COG5: variants seen among roughly 807,000 people sequenced by gnomAD.
COG5 encodes the protein component of oligomeric golgi complex 5.
Under a neutral mutation model 110.4 loss-of-function variants are expected in COG5, and 86 were observed. The observed-to-expected ratio is 0.78, with a 90% CI of 0.65 to 0.93. The LOEUF is 0.93. Among genes scored for constraint, COG5 ranks in the 40% least tolerant of loss-of-function variants. The pLI, the probability that COG5 is intolerant of heterozygous loss-of-function variation, is 0.00. For missense variants in COG5, 1,077 were observed against 987.0 expected (o/e 1.09, Z -1.22); for synonymous variants, 360 against 334.6 (o/e 1.08, Z -0.83).
In COG5 at chr7:107,350,672, T is replaced by C. The variant is rs1384478053; in HGVS notation, c.1026+11361A>G. Among the ~76,000 whole-genome samples the C allele has an allele frequency of 3.9e-5, 6 of 152,332 alleles. No individual in the cohort carries two copies. The East Asian group carries it at 1.2e-3, about 29-fold the overall frequency. ...GAATTCTGGTGGCTAAAACTAAAAA[T>C]GTGTTCCTCTACAGAGGAACTGCAT... On this transcript the variant is annotated intron_variant, in intron 10 of 21. Transcript: ENST00000297135.
chr7:107,490,144 G>A (rs984531227), intron 6 of COG5, among the ~76,000 whole-genome samples: 4 of 152,120 alleles, frequency 2.6e-5, no homozygotes, highest in Admixed American at 6.6e-5. Context: ...AAATTTCAGA[G>A]ACTTGATTTT....
intron 19 of COG5, among the ~76,000 whole-genome samples, chr7:107,220,837 T>TGA (rs1491193753): frequency 6.7e-6 from 1 of 149,130 alleles, no homozygotes; most frequent in Non-Finnish European, 1.5e-5. Context: ...TTTTTTTTTT[T>TGA]GAGGCAGTCT....
intron 14 of COG5, among the ~76,000 whole-genome samples, chr7:107,263,370 G>C (rs1389059101): frequency 1.3e-5 from 2 of 152,150 alleles, no homozygotes; most frequent in Non-Finnish European, 2.9e-5. Context: ...TTGTACCAAG[G>C]TGCAAAAATA....
At position 107,410,708 on chromosome 7, in the gene COG5, C is replaced by T. The variant is rs1270273929; in HGVS notation, c.669+1794G>A. Among the ~76,000 whole-genome samples, 3 of 152,218 alleles carry T rather than the reference C, an allele frequency of 2.0e-5. No individual in the cohort carries two copies. In the South Asian group the frequency reaches 6.2e-4, roughly 32 times the overall value. ...CTGCCCGCCTTGGCCTCCCAAAGTG[C>T]TGGGATTACAGGTGTGAGCCACCGT... is the stretch of plus-strand genomic sequence containing the variant. On this transcript the variant is annotated intron_variant, in intron 7 of 21. Transcript: ENST00000297135.
chr7:107,502,209 C>CT (rs1464913959), intron 6 of COG5, among the ~76,000 whole-genome samples: 2 of 152,190 alleles, frequency 1.3e-5, no homozygotes, highest in East Asian at 3.9e-4. Flanking sequence ...TTTTATCACT[C>CT]TAAGTCTTTG....
chr7:107,493,020 T>C (rs1376064841), intron 6 of COG5, among the ~76,000 whole-genome samples: 1 of 151,948 alleles, frequency 6.6e-6, no homozygotes, highest in African/African-American at 2.4e-5. Flanking sequence ...TGTTGGGAGG[T>C]GGGGCCTTTT....
intron 10 of COG5, among the ~76,000 whole-genome samples, chr7:107,352,047 T>G (rs1459916767): frequency 4.1e-5 from 6 of 145,692 alleles, no homozygotes; most frequent in African/African-American, 1.5e-4. Flanking sequence ...TAGCAAAGAC[T>G]TGGAACCAAC....
chr7:107,514,585 A>G (rs979566393), intron 6 of COG5, among the ~76,000 whole-genome samples: 1 of 152,208 alleles, frequency 6.6e-6, no homozygotes, highest in Admixed American at 6.5e-5. Flanking sequence ...GTTTAAGAAA[A>G]GAGTATAGCA....
At chr7:107,394,560 C>A (rs1421057933) in intron 7 of COG5, among the ~76,000 whole-genome samples, 1 of 152,160 alleles carries the variant, frequency 6.6e-6, no homozygotes, top group Non-Finnish European at 1.5e-5. Flanking sequence ...GCTAATGGAA[C>A]AGAGATGTAG....
chr7:107,254,385 G>GT (rs150652783), intron 16 of COG5, among the ~76,000 whole-genome samples: 6,338 of 148,120 alleles, frequency 0.043, 454 homozygotes, highest in African/African-American at 0.15. Context: ...TCTAAGTCAG[G>GT]TTTTTTTTTT....
intron 11 of COG5, among the ~76,000 whole-genome samples, chr7:107,311,892 T>C (rs1341347636): frequency 6.6e-6 from 1 of 152,162 alleles, no homozygotes; most frequent in African/African-American, 2.4e-5. Context: ...GTTTTCATCA[T>C]TGCTTCTGGA....
At chr7:107,234,407 T>A (rs1801006815) in intron 18 of COG5, among the ~76,000 whole-genome samples, 1 of 152,172 alleles carries the variant, frequency 6.6e-6, no homozygotes, top group South Asian at 2.1e-4. Context: ...AATAATGCAG[T>A]TTTTTGAAAG....
At chr7:107,341,061 C>A (rs1811132393) in intron 10 of COG5, among the ~76,000 whole-genome samples, 2 of 151,958 alleles carry the variant, frequency 1.3e-5, no homozygotes, top group Non-Finnish European at 2.9e-5. Flanking sequence ...AAAATAGCAT[C>A]CAATTTGGAA....
chr7:107,447,868 A>G (rs1016110054), intron 6 of COG5, among the ~76,000 whole-genome samples: 1 of 152,202 alleles, frequency 6.6e-6, no homozygotes, highest in African/African-American at 2.4e-5. Context: ...TTTTATTCTT[A>G]CTGACAGTCG....
At chr7:107,524,789 T>C (rs533759871) in intron 6 of COG5, among the ~76,000 whole-genome samples, 1 of 152,306 alleles carries the variant, frequency 6.6e-6, no homozygotes, top group East Asian at 1.9e-4. Context: ...ATGAACTATA[T>C]CTTCTCAAAA....
intron 12 of COG5, among the ~76,000 whole-genome samples, chr7:107,294,928 T>C (rs1198677171): frequency 2.8e-5 from 3 of 106,128 alleles, no homozygotes; most frequent in Admixed American, 9.8e-5. Context: ...TGTGTGTATA[T>C]ATACACACAC....
chr7:107,539,156 T>C (rs918252489), intron 5 of COG5, among the ~76,000 whole-genome samples: 1 of 152,030 alleles, frequency 6.6e-6, no homozygotes. Context: ...GGCATGGTGG[T>C]GCGTGCCTGT....
intron 18 of COG5, among the ~76,000 whole-genome samples, chr7:107,233,904 TTG>T (rs1401037395): frequency 6.6e-6 from 1 of 152,170 alleles, no homozygotes; most frequent in Non-Finnish European, 1.5e-5. Context: ...ATAATTGCAA[TTG>T]TGGCAAGAAA....
intron 12 of COG5, among the ~76,000 whole-genome samples, chr7:107,292,730 T>G (rs777189117): frequency 2.0e-5 from 3 of 152,072 alleles, no homozygotes; most frequent in Admixed American, 6.6e-5. Flanking sequence ...ACCTCCATGA[T>G]TTAGTAGGAG....
Sources: allele counts gnomAD v4.1 joint callset (sites outside exome capture counted in the v4.1 genomes callset), GRCh38; gene constraint gnomAD v4.1.1; transcripts MANE v1.5; gene names NCBI Gene and HGNC (gene_info 2026-07-23, HGNC 2026-07-21).